Variants in RAD51B observed in about 807,000 individuals in gnomAD.
RAD51B encodes RAD51 paralog B.
Under a neutral mutation model 42.2 loss-of-function variants are expected in RAD51B, and 38 were observed. That is an observed-to-expected ratio of 0.90 (90% confidence interval 0.70 to 1.18). The LOEUF (loss-of-function observed/expected upper bound fraction) is 1.18. Among genes scored for constraint, RAD51B ranks in the 50% most tolerant of loss-of-function variants. The probability of loss-of-function intolerance (pLI) is 0.00; values close to 1 mark genes in which losing one functional copy is unlikely to be tolerated. For missense variants in RAD51B, 373 were observed against 400.7 expected, an observed-to-expected ratio of 0.93 and a Z score of 0.59; for synonymous variants, 154 against 145.2, an observed-to-expected ratio of 1.06 and a Z score of -0.43.
chr14:68,032,806 G>T lies in RAD51B; in HGVS notation c.756+145602G>T, dbSNP rs557428556. ...TTAGGGCAGAGCTCTTCTTGATCAG[G>T]TCTTATTTATCTCTTCTTTCAGCTC... On this transcript the variant is annotated intron_variant, in intron 7 of 10. Coordinates refer to ENST00000471583, the MANE Select transcript of RAD51B (RefSeq NM_133510.4). Among the ~76,000 whole-genome samples the T allele has an allele frequency of 2.0e-5, 3 of 152,208 alleles. No individual in the cohort carries two copies. In the East Asian group the frequency reaches 5.8e-4, roughly 29 times the overall value.
intron 7 of RAD51B, among the ~76,000 whole-genome samples, chr14:68,238,478 A>T (rs910095663): frequency 1.3e-5 from 2 of 151,936 alleles, no homozygotes; most frequent in Non-Finnish European, 2.9e-5. Flanking sequence ...ATTTTAAAAA[A>T]TTTTTTGTAG....
chr14:67,856,542 G>C (rs1168162855), intron 4 of RAD51B, among the ~76,000 whole-genome samples: 1 of 152,092 alleles, frequency 6.6e-6, no homozygotes, highest in Non-Finnish European at 1.5e-5. Flanking sequence ...TTTAAAACAT[G>C]CTCACTGGTT....
At chr14:68,089,986 A>G (rs1460367086) in intron 7 of RAD51B, among the ~76,000 whole-genome samples, 1 of 152,168 alleles carries the variant, frequency 6.6e-6, no homozygotes, top group Non-Finnish European at 1.5e-5. Flanking sequence ...TAGGAAAGTA[A>G]GCGGAAACTA....
At chr14:68,481,351 G>A (rs1883166107), downstream of RAD51B, among the ~76,000 whole-genome samples, 1 of 152,074 alleles carries the variant, frequency 6.6e-6, no homozygotes, top group African/African-American at 2.4e-5. Context: ...AAAGCAAGAG[G>A]AAAACATATC....
intron 11 of RAD51B, among the ~76,000 whole-genome samples, chr14:68,679,063 A>T (rs1893372194): frequency 6.6e-6 from 1 of 152,134 alleles, no homozygotes; most frequent in South Asian, 2.1e-4. Flanking sequence ...AACCCAACAA[A>T]TATAATTAGA....
At chr14:68,256,809 G>C (rs1409709023) in intron 7 of RAD51B, among the ~76,000 whole-genome samples, 1 of 151,936 alleles carries the variant, frequency 6.6e-6, no homozygotes, top group African/African-American at 2.4e-5. Context: ...AAAAACTTTT[G>C]GCACAGGAAG....
chr14:67,856,745 T>C (rs2139963025), intron 4 of RAD51B, among the ~76,000 whole-genome samples: 1 of 152,294 alleles, frequency 6.6e-6, no homozygotes, highest in South Asian at 2.1e-4. Flanking sequence ...TTTACTTTAG[T>C]ACAATTAGAC....
intron 9 of RAD51B, among the ~76,000 whole-genome samples, chr14:68,442,369 G>C (rs1415438298): frequency 6.7e-6 from 1 of 149,526 alleles, no homozygotes; most frequent in Non-Finnish European, 1.5e-5. Flanking sequence ...CAGCATCTGA[G>C]AGAGTTACTG....
chr14:68,088,777 G>T (rs1453014389), intron 7 of RAD51B, among the ~76,000 whole-genome samples: 1 of 152,150 alleles, frequency 6.6e-6, no homozygotes, highest in Admixed American at 6.6e-5. Flanking sequence ...TCAGATGTCT[G>T]TCTGGCTTTG....
chr14:68,253,400 G>A (rs1002634550), intron 7 of RAD51B, among the ~76,000 whole-genome samples: 4 of 151,704 alleles, frequency 2.6e-5, no homozygotes, highest in African/African-American at 7.3e-5. Flanking sequence ...TTAGTTTTCT[G>A]TTCTTCGCGT....
chr14:68,600,771 C>G (rs572135958), downstream of RAD51B, among the ~76,000 whole-genome samples: 1 of 152,314 alleles, frequency 6.6e-6, no homozygotes, highest in South Asian at 2.1e-4. Flanking sequence ...CTCCCAGCCT[C>G]CTTTAGGGAA....
chr14:67,853,412 T>G (rs2041888825), intron 4 of RAD51B, among the ~76,000 whole-genome samples: 1 of 152,212 alleles, frequency 6.6e-6, no homozygotes, highest in South Asian at 2.1e-4. Flanking sequence ...CATCTTGGTG[T>G]TGTAACTGAA....
chr14:68,421,863 T>C, intron 9 of RAD51B: 1 of 1,596,292 alleles, frequency 6.3e-7, no homozygotes, highest in Non-Finnish European at 8.6e-7. Flanking sequence ...GATGAAAAAC[T>C]GGGAACCATT....
At chr14:68,114,199 G>A (rs2077503476) in intron 7 of RAD51B, 1 of 152,036 alleles carries the variant, frequency 6.6e-6, no homozygotes, top group African/African-American at 2.4e-5. Flanking sequence ...CATTGCTAGT[G>A]ACAGCCTTCT....
intron 11 of RAD51B, among the ~76,000 whole-genome samples, chr14:68,665,645 G>T (rs992482464): frequency 2.0e-5 from 3 of 152,216 alleles, no homozygotes; most frequent in Non-Finnish European, 4.4e-5. Context: ...TATGGAAAGG[G>T]ATCATGGGGC....
chr14:68,109,359 T>G (rs2077425438), intron 7 of RAD51B, among the ~76,000 whole-genome samples: 1 of 152,036 alleles, frequency 6.6e-6, no homozygotes. Context: ...CATGTCTCTC[T>G]CTTTTGTAAA....
At position 68,281,551 on chromosome 14, in the gene RAD51B, C is replaced by T. The variant is rs1054594124; in HGVS notation, c.757-10333C>T. On this transcript the variant is annotated intron_variant, in intron 7 of 10. Transcript: ENST00000471583. ...GCCCAGGGGATCTGACTCCAGAGTC[C>T]ACCCTCCTAACCCAGGACAGCTGCT... is the stretch of plus-strand genomic sequence containing the variant. 9.2e-5 allele frequency among the ~76,000 whole-genome samples: 14 copies of T among 152,268 alleles called. No homozygotes were observed. In the South Asian group the frequency reaches 2.9e-3, roughly 32 times the overall value.
At chr14:67,832,056 C>G (rs1036557944) in intron 3 of RAD51B, among the ~76,000 whole-genome samples, 1 of 151,944 alleles carries the variant, frequency 6.6e-6, no homozygotes, top group African/African-American at 2.4e-5. Flanking sequence ...AAATTGGAAA[C>G]AATAATAATA....
chr14:68,540,354 A>G, intron 10 of RAD51B: 6 of 1,050,180 alleles, frequency 5.7e-6, no homozygotes, highest in Non-Finnish European at 6.9e-6. Flanking sequence ...ATCCTTGACA[A>G]TTGAGATAAG....
Sources: gnomAD v4.1 joint callset for allele counts (sites outside exome capture counted in the v4.1 genomes callset) on GRCh38, gnomAD v4.1.1 for gene constraint, MANE v1.5 for transcripts, NCBI Gene and HGNC (gene_info 2026-07-23, HGNC 2026-07-21) for gene names.